Variants in LDB2 observed in about 807,000 individuals in gnomAD.
LDB2 encodes the protein LIM domain-binding protein 2.
LDB2 carries 12 observed loss-of-function variants against 44.3 expected under a neutral mutation model. That is an observed-to-expected ratio of 0.27 (90% confidence interval 0.17 to 0.44). The LOEUF is 0.44. LDB2 is among the 20% of genes least tolerant of loss of function. The pLI, the probability that LDB2 is intolerant of heterozygous loss-of-function variation, is 1.00. For synonymous variants in LDB2, 164 were observed against 174.8 expected (o/e 0.94, Z 0.49); for missense variants, 344 against 473.5 (o/e 0.73, Z 2.54).
intron 2 of LDB2, among the ~76,000 whole-genome samples, chr4:16,710,316 C>G (rs960124542): frequency 6.6e-6 from 1 of 152,204 alleles, no homozygotes; most frequent in African/African-American, 2.4e-5. Context: ...TGAATACATA[C>G]AGTCTGAAAA....
intron 2 of LDB2, among the ~76,000 whole-genome samples, chr4:16,684,718 G>A (rs555289241): frequency 1.5e-4 from 23 of 152,192 alleles, no homozygotes; most frequent in African/African-American, 4.3e-4. Flanking sequence ...TGATAACATC[G>A]CCACCACACA....
intron 1 of LDB2, among the ~76,000 whole-genome samples, chr4:16,835,767 G>T (rs570582695): frequency 3.9e-5 from 6 of 152,300 alleles, no homozygotes; most frequent in East Asian, 1.9e-4. Context: ...ATTTGCTGTT[G>T]TCAGTCTCTA....
chr4:16,621,456 T>C (rs1728844787), intron 2 of LDB2, among the ~76,000 whole-genome samples: 1 of 152,210 alleles, frequency 6.6e-6, no homozygotes, highest in Non-Finnish European at 1.5e-5. Flanking sequence ...AAAAATTGCC[T>C]CCACCTCACG....
chr4:16,621,072 C>T (rs1408353451), intron 2 of LDB2, among the ~76,000 whole-genome samples: 1 of 152,170 alleles, frequency 6.6e-6, no homozygotes, highest in Admixed American at 6.5e-5. Context: ...ACTACGTGTA[C>T]AGCACTGTGT....
intron 1 of LDB2, among the ~76,000 whole-genome samples, chr4:16,774,901 A>G (rs1771561565): frequency 6.6e-6 from 1 of 152,246 alleles, no homozygotes; most frequent in African/African-American, 2.4e-5. Context: ...AATGTCTATC[A>G]ACTAATGAAC....
chr4:16,705,046 C>T (rs745596174), intron 2 of LDB2, among the ~76,000 whole-genome samples: 1 of 152,072 alleles, frequency 6.6e-6, no homozygotes, highest in African/African-American at 2.4e-5. Flanking sequence ...TGCTCAAGTT[C>T]CCCATGTCTC....
At chr4:16,762,407 C>T (rs1395703254) in intron 1 of LDB2, among the ~76,000 whole-genome samples, 1 of 152,170 alleles carries the variant, frequency 6.6e-6, no homozygotes, top group Non-Finnish European at 1.5e-5. Flanking sequence ...TCTCACACTG[C>T]TATGAAGATA....
At chr4:16,875,569 C>G (rs190454421) in intron 1 of LDB2, among the ~76,000 whole-genome samples, 1 of 152,292 alleles carries the variant, frequency 6.6e-6, no homozygotes, top group African/African-American at 2.4e-5. Flanking sequence ...AGAAAAATTT[C>G]TTCCAATTTT....
At chr4:16,801,709 T>C (rs1777872654) in intron 1 of LDB2, among the ~76,000 whole-genome samples, 1 of 152,174 alleles carries the variant, frequency 6.6e-6, no homozygotes, top group Admixed American at 6.5e-5. Context: ...ATTGAACAGA[T>C]CTACCAAAAA....
intron 1 of LDB2, among the ~76,000 whole-genome samples, chr4:16,846,720 A>G (rs1168022806): frequency 1.3e-5 from 2 of 152,220 alleles, no homozygotes; most frequent in Non-Finnish European, 2.9e-5. Context: ...AGAGCTCTCC[A>G]TTAATTCTGT....
intron 1 of LDB2, among the ~76,000 whole-genome samples, chr4:16,793,967 C>T (rs11935663): frequency 3.9e-5 from 6 of 152,066 alleles, no homozygotes; most frequent in African/African-American, 1.2e-4. Flanking sequence ...CTACCCCTCT[C>T]GGTAATGTCT....
chr4:16,664,014 G>A (rs1267542528), intron 2 of LDB2, among the ~76,000 whole-genome samples: 2 of 147,454 alleles, frequency 1.4e-5, no homozygotes. Context: ...GCAAAGCAAT[G>A]TTAAGTTTCA....
intron 1 of LDB2, among the ~76,000 whole-genome samples, chr4:16,803,597 G>C (rs577464636): frequency 6.6e-6 from 1 of 152,244 alleles, no homozygotes; most frequent in Admixed American, 6.5e-5. Context: ...ATTTATTACA[G>C]CTTCACATAT....
rs530835187 is a variant in LDB2 at position 16,836,583 on chromosome 4, G to A, written c.132+61771C>T. Among the ~76,000 whole-genome samples, 21 of 152,220 alleles carry A rather than the reference G, an allele frequency of 1.4e-4. 1 individual carries two copies. The South Asian group carries it at 1.9e-3, about 14-fold the overall frequency. On this transcript the variant is annotated intron_variant, in intron 1 of 7. Transcript: ENST00000304523. ...TCTCACTGCTCAGACAGAGGCCAAC[G>A]TCTTCTCTACTATCAGAGCCTTCCC...
At chr4:16,536,705 G>A (rs1731997364) in intron 5 of LDB2, among the ~76,000 whole-genome samples, 1 of 152,224 alleles carries the variant, frequency 6.6e-6, no homozygotes, top group African/African-American at 2.4e-5. Flanking sequence ...GTCAGGGGAT[G>A]GAGAATGGCT....
At chr4:16,749,584 A>AT (rs1177872507) in intron 2 of LDB2, among the ~76,000 whole-genome samples, 20 of 135,204 alleles carry the variant, frequency 1.5e-4, no homozygotes, top group African/African-American at 4.9e-4. Flanking sequence ...AAAAAAATAA[A>AT]AAAAAATATA....
intron 2 of LDB2, among the ~76,000 whole-genome samples, chr4:16,660,754 T>A (rs1263659640): frequency 6.6e-6 from 1 of 152,170 alleles, no homozygotes; most frequent in African/African-American, 2.4e-5. Flanking sequence ...GGAATCCTTG[T>A]TTCAGAGTCT....
intron 2 of LDB2, among the ~76,000 whole-genome samples, chr4:16,655,208 C>A (rs1739430281): frequency 6.6e-6 from 1 of 152,114 alleles, no homozygotes. Flanking sequence ...GTGACACTAG[C>A]CATGGGGGAC....
intron 1 of LDB2, among the ~76,000 whole-genome samples, chr4:16,812,237 T>G (rs1780021606): frequency 6.6e-6 from 1 of 152,166 alleles, no homozygotes; most frequent in South Asian, 2.1e-4. Flanking sequence ...ATCTTACCAC[T>G]GTCTCCAATG....
Sources: gnomAD v4.1 joint callset for allele counts (sites outside exome capture counted in the v4.1 genomes callset) on GRCh38, gnomAD v4.1.1 for gene constraint, MANE v1.5 for transcripts, NCBI Gene and HGNC (gene_info 2026-07-23, HGNC 2026-07-21) for gene names.